The following TRAPPC9 variants were observed in gnomAD, a reference collection of about 807,000 sequenced individuals.
The protein encoded by TRAPPC9 is trafficking protein particle complex subunit 9.
Under a neutral mutation model 124.0 loss-of-function variants are expected in TRAPPC9, and 83 were observed. The observed-to-expected ratio is 0.67, with a 90% confidence interval of 0.56 to 0.80. The LOEUF (loss-of-function observed/expected upper bound fraction) is 0.80. Ranked by LOEUF, TRAPPC9 falls within the 30% of genes least tolerant of loss-of-function variation. The pLI, the probability that TRAPPC9 is intolerant of heterozygous loss-of-function variation, is 0.00. For synonymous variants in TRAPPC9, 638 were observed against 617.5 expected (o/e 1.03, Z -0.49); for missense variants, 1,302 against 1,508.3 (o/e 0.86, Z 2.27).
At chr8:140,009,691 C>T (rs186397079) in intron 18 of TRAPPC9, among the ~76,000 whole-genome samples, 22 of 152,250 alleles carry the variant, frequency 1.4e-4, no homozygotes, top group African/African-American at 4.6e-4. Flanking sequence ...CATCCACTCC[C>T]GCCCGTGGCG....
At chr8:140,228,034 C>T (rs1282342953) in intron 16 of TRAPPC9, among the ~76,000 whole-genome samples, 1 of 152,220 alleles carries the variant, frequency 6.6e-6, no homozygotes, top group Non-Finnish European at 1.5e-5. Flanking sequence ...CAAAACTGTA[C>T]ACCATGCGTT....
intron 5 of TRAPPC9, among the ~76,000 whole-genome samples, chr8:140,419,212 A>AG (rs2070070627): frequency 6.6e-6 from 1 of 152,030 alleles, no homozygotes; most frequent in Non-Finnish European, 1.5e-5. Context: ...GTGGATCAGG[A>AG]GGTCAGGAGA....
rs533367352 is a variant in TRAPPC9 at position 139,748,493 on chromosome 8, TA to T, written c.3056-16292del. On this transcript the variant is annotated intron_variant, in intron 21 of 22. Transcript: ENST00000438773. ...TACACACAGCAGGTGTCAGAGCAGG[TA>T]GGGGGGGCATACAGGGGTCAGAGTG... 5.9e-3 allele frequency among the ~76,000 whole-genome samples: 453 copies of T among 76,260 alleles called. 5 individuals are homozygous for T. Among genetic ancestry groups the T allele is most frequent in the Non-Finnish European group, 7.8e-3 (302 of 38,700 alleles). The allele number at this position is 76,260 out of a possible 152,430, so 50.0% of individuals were successfully genotyped here.
chr8:140,434,819 A>C (rs1331133130), intron 4 of TRAPPC9, among the ~76,000 whole-genome samples: 3 of 152,016 alleles, frequency 2.0e-5, no homozygotes, highest in Non-Finnish European at 4.4e-5. Context: ...AAATACAAAA[A>C]ATTAGCCATG....
intron 21 of TRAPPC9, among the ~76,000 whole-genome samples, chr8:139,744,020 C>T (rs1042403544): frequency 6.6e-6 from 1 of 152,208 alleles, no homozygotes; most frequent in Admixed American, 6.5e-5. Flanking sequence ...AGTGCACTCA[C>T]AGGTACACGC....
rs562176166 is a variant in TRAPPC9, at chr8:140,323,785, A to G, written c.1496-12411T>C. ...AAAAAACAGATATGACAAACAGAAA[A>G]CAAATACAAGATGGTAGACTTGAAC... On this transcript the variant is annotated intron_variant, in intron 9 of 22. Transcript: ENST00000438773. Among the ~76,000 whole-genome samples the G allele has an allele frequency of 3.8e-3, 584 of 152,332 alleles. 5 individuals are homozygous for G. Among genetic ancestry groups the G allele is most frequent in the African/African-American group, 0.013 (522 of 41,578 alleles).
intron 21 of TRAPPC9, among the ~76,000 whole-genome samples, chr8:139,812,388 A>G (rs1438943806): frequency 6.6e-6 from 1 of 152,206 alleles, no homozygotes; most frequent in East Asian, 1.9e-4. Context: ...CGAGCAGCCC[A>G]CAGACGATGT....
At position 140,375,795 on chromosome 8, in the gene TRAPPC9, C is replaced by T. The variant is rs552905630; in HGVS notation, c.1135-4615G>A. 1.3e-3 allele frequency among the ~76,000 whole-genome samples: 203 copies of T among 152,298 alleles called. 2 individuals are homozygous for T. Among genetic ancestry groups the T allele is most frequent in the African/African-American group, 4.4e-3 (183 of 41,576 alleles). On this transcript the variant is annotated intron_variant, in intron 7 of 22. Transcript: ENST00000438773. Reference sequence around the variant, plus strand: ...CTTAACCCTCATCAGCCTTCTCAAACGTGGGCACTTGCAGTGATCAGAAGA... The same window carrying T: ...CTTAACCCTCATCAGCCTTCTCAAATGTGGGCACTTGCAGTGATCAGAAGA...
At chr8:140,201,465 T>A (rs1420901815) in intron 17 of TRAPPC9, among the ~76,000 whole-genome samples, 1 of 152,258 alleles carries the variant, frequency 6.6e-6, no homozygotes, top group Non-Finnish European at 1.5e-5. Context: ...GATTTTTTTA[T>A]AACAATCATT....
intron 8 of TRAPPC9, among the ~76,000 whole-genome samples, chr8:140,362,952 A>G (rs938228350): frequency 6.6e-6 from 1 of 152,262 alleles, no homozygotes; most frequent in African/African-American, 2.4e-5. Context: ...TGTACAAGTC[A>G]TAATTTCTAT....
At chr8:140,273,166 C>A (rs73714846) in intron 15 of TRAPPC9, among the ~76,000 whole-genome samples, 6,357 of 152,302 alleles carry the variant, frequency 0.042, 180 homozygotes, top group African/African-American at 0.07. Flanking sequence ...CCTCTGAGGT[C>A]TCAGTTGCCG....
chr8:140,249,267 G>A (rs1222229384), intron 16 of TRAPPC9, among the ~76,000 whole-genome samples: 1 of 152,130 alleles, frequency 6.6e-6, no homozygotes, highest in Non-Finnish European at 1.5e-5. Flanking sequence ...ACTTATATGT[G>A]AGAATATGCT....
chr8:139,882,769 C>G (rs1324616765), intron 21 of TRAPPC9, among the ~76,000 whole-genome samples: 1 of 152,162 alleles, frequency 6.6e-6, no homozygotes, highest in Non-Finnish European at 1.5e-5. Flanking sequence ...CCTGGAGTAA[C>G]TTATCCAGCA....
At chr8:139,829,162 C>T (rs1217596030) in intron 21 of TRAPPC9, among the ~76,000 whole-genome samples, 2 of 152,216 alleles carry the variant, frequency 1.3e-5, no homozygotes, top group African/African-American at 4.8e-5. Flanking sequence ...GTGTACTAGA[C>T]TAATGTGTGA....
intron 19 of TRAPPC9, chr8:139,931,790 G>A (rs2233231): frequency 0.014 from 2,401 of 173,556 alleles, 75 homozygotes; most frequent in African/African-American, 0.054. Context: ...GATTACAAGT[G>A]CCATGCGGTA....
chr8:139,891,828 G>A (rs1257702624), intron 20 of TRAPPC9, among the ~76,000 whole-genome samples: 1 of 152,194 alleles, frequency 6.6e-6, no homozygotes, highest in Non-Finnish European at 1.5e-5. Flanking sequence ...CAGCTTACAC[G>A]TGCTCAGCGA....
rs1842133534 is a variant in TRAPPC9, at chr8:140,053,730, CT to C, written c.2557-29652del. Among the ~76,000 whole-genome samples the C allele has an allele frequency of 2.0e-5, 3 of 152,258 alleles. No individual in the cohort carries two copies. In the South Asian group the frequency reaches 6.2e-4, roughly 32 times the overall value. On this transcript the variant is annotated intron_variant, in intron 17 of 22. Coordinates refer to ENST00000438773, the MANE Select transcript of TRAPPC9 (RefSeq NM_001160372.4). ...TCAGTGTTTGCTTTACATTTAGGTGCTGTGATGTTGGGTGCGTACATACTGA... is the reference window on the plus strand; with the variant it reads ...TCAGTGTTTGCTTTACATTTAGGTGCGTGATGTTGGGTGCGTACATACTGA...
intron 21 of TRAPPC9, among the ~76,000 whole-genome samples, chr8:139,814,268 A>G (rs947283639): frequency 3.9e-5 from 6 of 152,236 alleles, no homozygotes; most frequent in Non-Finnish European, 7.3e-5. Context: ...TGAAGCCTCG[A>G]GCTGGGCCTG....
chr8:140,174,693 C>G (rs1489376345), intron 17 of TRAPPC9, among the ~76,000 whole-genome samples: 2 of 152,172 alleles, frequency 1.3e-5, no homozygotes, highest in East Asian at 3.9e-4. Flanking sequence ...TGTCTGGCTT[C>G]TTCCGCTTAA....
Sources: gnomAD v4.1 joint callset for allele counts (sites outside exome capture counted in the v4.1 genomes callset) on GRCh38, gnomAD v4.1.1 for gene constraint, MANE v1.5 for transcripts, NCBI Gene and HGNC (gene_info 2026-07-23, HGNC 2026-07-21) for gene names.